Variants in RTTN observed in about 807,000 individuals in gnomAD.
The protein encoded by RTTN is rotatin.
A neutral mutation model predicts 269.2 loss-of-function variants in RTTN; 182 were observed. The observed-to-expected ratio is 0.68, with a 90% CI of 0.60 to 0.76. RTTN has a LOEUF of 0.76. RTTN is among the 30% of genes least tolerant of loss of function. The pLI, the probability that RTTN is intolerant of heterozygous loss-of-function variation, is 0.00. For missense variants in RTTN, 2,545 were observed against 2,608.6 expected, an observed-to-expected ratio of 0.98 and a Z score of 0.53; for synonymous variants, 1,006 against 963.5, an observed-to-expected ratio of 1.04 and a Z score of -0.82.
chr18:70,200,469 C>G (rs1245733758), intron 4 of RTTN, among the ~76,000 whole-genome samples: 1 of 152,172 alleles, frequency 6.6e-6, no homozygotes, highest in African/African-American at 2.4e-5. Context: ...CTAGAGATTC[C>G]CCCTCCCTTC....
intron 43 of RTTN, among the ~76,000 whole-genome samples, chr18:70,027,297 T>C (rs1296242872): frequency 6.6e-6 from 1 of 152,164 alleles, no homozygotes; most frequent in East Asian, 1.9e-4. Context: ...CTATTAATAA[T>C]GAGAACATGC....
At chr18:70,012,422 A>T (rs1435271385) in intron 46 of RTTN, among the ~76,000 whole-genome samples, 1 of 138,930 alleles carries the variant, frequency 7.2e-6, no homozygotes, top group Non-Finnish European at 1.5e-5. Context: ...TATTGGTTAG[A>T]GGGCAGCGTC....
chr18:70,098,585 CTAAT>C (rs1427469755), intron 28 of RTTN, among the ~76,000 whole-genome samples: 3 of 152,044 alleles, frequency 2.0e-5, no homozygotes, highest in Admixed American at 1.3e-4. Context: ...CAGAAAATAA[CTAAT>C]TAGTATACTG....
At chr18:70,159,380 T>C (rs1334930817) in intron 14 of RTTN, among the ~76,000 whole-genome samples, 1 of 152,204 alleles carries the variant, frequency 6.6e-6, no homozygotes, top group African/African-American at 2.4e-5. Context: ...CATAAAATTC[T>C]TTGAAACTAA....
intron 11 of RTTN, among the ~76,000 whole-genome samples, chr18:70,173,491 C>CAAAA (rs397974179): frequency 1.9e-4 from 9 of 48,478 alleles, no homozygotes; most frequent in Non-Finnish European, 2.2e-4. Context: ...GACTCCAACT[C>CAAAA]AAAAAAAAAA....
At chr18:70,170,257 G>T (rs2061103480) in intron 11 of RTTN, among the ~76,000 whole-genome samples, 1 of 152,144 alleles carries the variant, frequency 6.6e-6, no homozygotes, top group Admixed American at 6.5e-5. Flanking sequence ...CTCCAGTCCT[G>T]GGAACCCAGC....
At chr18:70,173,747 T>C (rs940685831) in intron 11 of RTTN, among the ~76,000 whole-genome samples, 4 of 152,122 alleles carry the variant, frequency 2.6e-5, no homozygotes, top group Non-Finnish European at 5.9e-5. Context: ...AGAGATAACC[T>C]CACGTTTAAA....
intron 43 of RTTN, among the ~76,000 whole-genome samples, chr18:70,026,637 T>C (rs2056861662): frequency 6.6e-6 from 1 of 152,184 alleles, no homozygotes; most frequent in Non-Finnish European, 1.5e-5. Flanking sequence ...TATTTCTTCA[T>C]AGCAAGGCAA....
chr18:70,057,123 A>C (rs2057840937), intron 37 of RTTN, among the ~76,000 whole-genome samples: 1 of 152,248 alleles, frequency 6.6e-6, no homozygotes, highest in Non-Finnish European at 1.5e-5. Context: ...ATCTCAAAGC[A>C]AGAGATATTG....
intron 14 of RTTN, among the ~76,000 whole-genome samples, chr18:70,157,498 A>G (rs2060713594): frequency 6.6e-6 from 1 of 152,216 alleles, no homozygotes; most frequent in African/African-American, 2.4e-5. Flanking sequence ...GATTAAAGGA[A>G]CATCTGCCCA....
At chr18:70,109,799 A>T in intron 27 of RTTN, 82 bp from the exon 28 acceptor site, 1 of 1,061,912 alleles carries the variant, frequency 9.4e-7, no homozygotes, top group Non-Finnish European at 1.4e-6. Context: ...ATAAAAGGTT[A>T]CTTAAACTCA....
intron 46 of RTTN, chr18:70,008,689 G>A (rs1371678771): frequency 2.7e-5 from 4 of 150,490 alleles, no homozygotes; most frequent in Non-Finnish European, 3.0e-5. Context: ...GAAATAAAGC[G>A]TGAAGACAAG....
chr18:70,174,689 G>C (rs1027675464), intron 11 of RTTN, among the ~76,000 whole-genome samples: 1 of 150,686 alleles, frequency 6.6e-6, no homozygotes, highest in African/African-American at 2.4e-5. Context: ...AATGGAAAAT[G>C]TATGTTAGAT....
chr18:70,124,149 C>G (rs2059805430), intron 25 of RTTN, among the ~76,000 whole-genome samples: 1 of 151,556 alleles, frequency 6.6e-6, no homozygotes, highest in Non-Finnish European at 1.5e-5. Flanking sequence ...AAATGAAGAG[C>G]TGTCACATGT....
At chr18:70,006,599 G>A in intron 46 of RTTN, 115 bp from the exon 47 acceptor site, 2 of 773,280 alleles carry the variant, frequency 2.6e-6, no homozygotes, top group Non-Finnish European at 4.4e-6. Flanking sequence ...CATAAAGTTG[G>A]TATCACTAGA....
At chr18:70,133,942 T>C (rs911347425) in intron 23 of RTTN, among the ~76,000 whole-genome samples, 1 of 152,158 alleles carries the variant, frequency 6.6e-6, no homozygotes, top group Non-Finnish European at 1.5e-5. Flanking sequence ...TATTGCATTC[T>C]GAAAAAATAT....
At position 70,060,029 on chromosome 18, in the gene RTTN, A is replaced by G. The variant is rs1236877736; in HGVS notation, c.4761T>C (p.Ser1587=). 6.2e-7 allele frequency: 1 copy of G among 1,610,686 alleles called. No individual in the cohort carries two copies. The highest frequency in any genetic ancestry group is 1.3e-5 in the African/African-American group (1 of 74,862). Residue 1587 remains serine (S), a synonymous_variant, in exon 36 of 49, where the codon AGT becomes AGC. Coordinates refer to ENST00000640769, the MANE Select transcript of RTTN (RefSeq NM_173630.4). ...DQFVAQGHQE[S]TSPRPPHDSS... is the part of the protein sequence containing the mutation. ...AATCATGAGGTGGCCGTGGTGATGT[A>G]CTTTCCTGGTGACCTATTATTGAAA...
chr18:70,046,724 G>C (rs928814202), intron 40 of RTTN, among the ~76,000 whole-genome samples: 2 of 152,178 alleles, frequency 1.3e-5, no homozygotes, highest in Non-Finnish European at 2.9e-5. Flanking sequence ...TTAGAGAAAT[G>C]CTTTGAGGAA....
At chr18:70,135,718 T>C (rs1391990451) in intron 21 of RTTN, among the ~76,000 whole-genome samples, 1 of 152,176 alleles carries the variant, frequency 6.6e-6, no homozygotes, top group Non-Finnish European at 1.5e-5. Context: ...ACTACAAACA[T>C]GTGATCACAG....
Sources: allele counts gnomAD v4.1 joint callset (sites outside exome capture counted in the v4.1 genomes callset), GRCh38; gene constraint gnomAD v4.1.1; transcripts MANE v1.5; gene names NCBI Gene and HGNC (gene_info 2026-07-23, HGNC 2026-07-21).